KAZN: variants seen among roughly 807,000 people sequenced by gnomAD.
The protein encoded by KAZN is kazrin.
KAZN carries 40 observed loss-of-function variants against 87.4 expected under a neutral mutation model. The ratio of observed to expected loss-of-function variants is 0.46; its 90% confidence interval spans 0.36 to 0.60. KAZN has a LOEUF of 0.60. KAZN is among the 20% of genes least tolerant of loss of function. The pLI, the probability that KAZN is intolerant of heterozygous loss-of-function variation, is 0.00. For synonymous variants in KAZN, 466 were observed against 458.3 expected (o/e 1.02, Z -0.22); for missense variants, 898 against 1,073.9 (o/e 0.84, Z 2.29).
At chr1:14,688,931 C>T (rs988074453) in intron 1 of KAZN, among the ~76,000 whole-genome samples, 29 of 152,268 alleles carry the variant, frequency 1.9e-4, no homozygotes, top group African/African-American at 5.8e-4. Context: ...CGGTGGCTCA[C>T]GCCTGTAATC....
intron 2 of KAZN, among the ~76,000 whole-genome samples, chr1:14,581,554 G>A (rs1032446205): frequency 1.9e-4 from 29 of 152,068 alleles, no homozygotes; most frequent in African/African-American, 6.5e-4. Context: ...AAATCATCTC[G>A]TGTCGTTCCT....
chr1:14,640,057 A>G (rs543121303), intron 1 of KAZN, among the ~76,000 whole-genome samples: 103 of 152,270 alleles, frequency 6.8e-4, no homozygotes, highest in Middle Eastern at 3.4e-3. Context: ...AATCCACAAA[A>G]GGTTGTTCGA....
intron 2 of KAZN, among the ~76,000 whole-genome samples, chr1:14,226,863 A>T (rs202007406): frequency 2.1e-3 from 1 of 474 alleles, no homozygotes; most frequent in East Asian, 0.5. Context: ...GCATGGACAC[A>T]AAAAAAGGGA....
At chr1:14,734,475 T>G (rs1253097093) in intron 1 of KAZN, among the ~76,000 whole-genome samples, 1 of 152,120 alleles carries the variant, frequency 6.6e-6, no homozygotes, top group Non-Finnish European at 1.5e-5. Context: ...GACTAATTTT[T>G]TTTTAATTAT....
Position 14,509,441 on chromosome 1 carries a change from G to A in KAZN, c.250-89542G>A, listed in dbSNP as rs185704194. 4.2e-3 allele frequency among the ~76,000 whole-genome samples: 639 copies of A among 152,278 alleles called. 10 individuals are homozygous for A. The highest frequency in any genetic ancestry group is 0.014 in the African/African-American group (579 of 41,558). On this transcript the variant is annotated intron_variant, in intron 2 of 16. Coordinates refer to the KAZN transcript ENST00000636203. The stretch of plus-strand genomic sequence containing the variant: ...CATGTCCATGATGGATGGAGATGTG[G>A]CCCAGCTCACCAAATGGGTGAAACT...
intron 2 of KAZN, among the ~76,000 whole-genome samples, chr1:14,376,499 T>C (rs577364427): frequency 3.9e-5 from 6 of 152,300 alleles, no homozygotes; most frequent in South Asian, 4.1e-4. Flanking sequence ...TCTTCTACCA[T>C]GAAATGACAT....
At position 14,184,513 on chromosome 1, in the gene KAZN, G is replaced by A. The variant is rs960200200; in HGVS notation, c.249+3921G>A. ...ATATTCCCCCTTGCCAAGCAAGAGC[G>A]GAAGCAGCAGCAGGAGGGAAACCTG... On this transcript the variant is annotated intron_variant, in intron 2 of 16. Transcript: ENST00000636203. This position sits in a 1 kb window ranked among gnomAD's most constrained non-coding sequence, Gnocchi z 4.2. Among the ~76,000 whole-genome samples, 2 of 152,168 alleles carry A rather than the reference G, an allele frequency of 1.3e-5. No homozygotes were observed. The highest frequency in any genetic ancestry group is 2.1e-4 in the South Asian group (1 of 4,836).
At chr1:14,726,459 C>T (rs1330169029) in intron 1 of KAZN, among the ~76,000 whole-genome samples, 2 of 152,184 alleles carry the variant, frequency 1.3e-5, no homozygotes, top group Admixed American at 1.3e-4. Context: ...TGCTCTCCCC[C>T]AGGGATCCAG....
chr1:13,984,085 A>G (rs566013988), intron 1 of KAZN, among the ~76,000 whole-genome samples: 2 of 152,054 alleles, frequency 1.3e-5, no homozygotes, highest in Admixed American at 1.3e-4. Flanking sequence ...ATCTCCGCTC[A>G]CTACAAGCTC....
chr1:14,413,535 G>T (rs1159628497), intron 2 of KAZN, among the ~76,000 whole-genome samples: 1 of 142,866 alleles, frequency 7.0e-6, no homozygotes, highest in Admixed American at 7.3e-5. Context: ...CTTGCAGTGA[G>T]CCGAGATCGC....
At chr1:14,669,401 G>A (rs1313444397) in intron 1 of KAZN, among the ~76,000 whole-genome samples, 1 of 152,186 alleles carries the variant, frequency 6.6e-6, no homozygotes, top group African/African-American at 2.4e-5. Flanking sequence ...TGTCCACAGT[G>A]CCAAGGTTGA....
At chr1:14,501,231 T>C (rs1670233996) in intron 2 of KAZN, among the ~76,000 whole-genome samples, 1 of 152,114 alleles carries the variant, frequency 6.6e-6, no homozygotes, top group Admixed American at 6.6e-5. Context: ...TCATTCTCAC[T>C]ACTCCCATTT....
intron 1 of KAZN, among the ~76,000 whole-genome samples, chr1:14,941,080 TA>T (rs759287118): frequency 6.6e-6 from 1 of 151,990 alleles, no homozygotes; most frequent in Non-Finnish European, 1.5e-5. Flanking sequence ...CACACCCAGC[TA>T]AATTTTTGTA....
chr1:14,826,452 C>T (rs1239846230), intron 1 of KAZN, among the ~76,000 whole-genome samples: 2 of 152,246 alleles, frequency 1.3e-5, no homozygotes, highest in South Asian at 2.1e-4. Context: ...CCCTCCTCAA[C>T]ACTCTGAGAC....
intron 2 of KAZN, among the ~76,000 whole-genome samples, chr1:15,027,544 GT>G (rs1671299178): frequency 6.6e-6 from 1 of 152,206 alleles, no homozygotes. Context: ...TCTGATGGGT[GT>G]TTATTAGAAG....
intron 1 of KAZN, among the ~76,000 whole-genome samples, chr1:14,067,968 C>T (rs1448370888): frequency 2.6e-5 from 4 of 152,126 alleles, no homozygotes; most frequent in African/African-American, 9.7e-5. Flanking sequence ...CTGGGATTGG[C>T]CTGAATTGTG....
intron 1 of KAZN, among the ~76,000 whole-genome samples, chr1:14,019,038 C>A (rs17351186): frequency 0.11 from 16,893 of 152,200 alleles, 1,207 homozygotes; most frequent in South Asian, 0.22. Context: ...GGAGTCAGAA[C>A]AACACATGTG....
chr1:14,775,986 CT>C (rs2100617680), intron 1 of KAZN, among the ~76,000 whole-genome samples: 1 of 152,324 alleles, frequency 6.6e-6, no homozygotes, highest in Non-Finnish European at 1.5e-5. Context: ...CTCTCCTGGA[CT>C]TCCACTGTGG....
chr1:13,908,440 G>T (rs1639526345), intron 1 of KAZN, among the ~76,000 whole-genome samples: 1 of 152,210 alleles, frequency 6.6e-6, no homozygotes, highest in Non-Finnish European at 1.5e-5. Context: ...GGTCAAGAAA[G>T]CTCCAGCCTA....
Sources: allele counts gnomAD v4.1 joint callset (sites outside exome capture counted in the v4.1 genomes callset), GRCh38; gene constraint gnomAD v4.1.1; non-coding constraint Gnocchi (gnomAD v3.1); transcripts MANE v1.5; gene names NCBI Gene and HGNC (gene_info 2026-07-23, HGNC 2026-07-21).